The following ASTN2 variants were observed in gnomAD, a reference collection of about 807,000 sequenced individuals.
The protein encoded by ASTN2 is astrotactin 2, also known as astrotactin-2.
ASTN2 carries 54 observed loss-of-function variants against 139.8 expected under a neutral mutation model. That is an observed-to-expected ratio of 0.39 (90% CI 0.31 to 0.48). The LOEUF (loss-of-function observed/expected upper bound fraction) is 0.48. Ranked by LOEUF, ASTN2 falls within the 20% of genes least tolerant of loss-of-function variation. ASTN2 has a pLI of 0.95. For missense variants in ASTN2, 1,565 were observed against 1,725.1 expected, an observed-to-expected ratio of 0.91 and a Z score of 1.64; for synonymous variants, 756 against 719.5, an observed-to-expected ratio of 1.05 and a Z score of -0.81.
At chr9:117,056,463 G>A (rs545678272) in intron 5 of ASTN2, among the ~76,000 whole-genome samples, 1 of 152,186 alleles carries the variant, frequency 6.6e-6, no homozygotes, top group South Asian at 2.1e-4. Context: ...GCCAGGCACA[G>A]CTCTGCCTTG....
At chr9:116,825,887 A>G (rs10759865) in intron 11 of ASTN2, among the ~76,000 whole-genome samples, 120,795 of 152,180 alleles carry the variant, frequency 0.79, 48,140 homozygotes, top group East Asian at 0.91. Flanking sequence ...TGAGAGCCAA[A>G]ATACTGGGGA....
rs562430061 is a variant in ASTN2, at chr9:116,988,380, T to A, written c.1592-11595A>T. On this transcript the variant is annotated intron_variant, in intron 7 of 22. Coordinates refer to ENST00000313400, the MANE Select transcript of ASTN2 (RefSeq NM_001365068.1). The stretch of plus-strand genomic sequence containing the variant: ...CACCTGCTATTGCTATGACTACTAT[T>A]AGGGAGCTGGTGGCTTTCCTGACCA... Among the ~76,000 whole-genome samples the A allele has an allele frequency of 3.9e-5, 6 of 152,292 alleles. 1 individual carries two copies. The South Asian group carries it at 1.2e-3, about 32-fold the overall frequency.
At chr9:117,329,623 C>T (rs1306859469) in intron 1 of ASTN2, among the ~76,000 whole-genome samples, 1 of 152,082 alleles carries the variant, frequency 6.6e-6, no homozygotes, top group Non-Finnish European at 1.5e-5. Context: ...GGGGGGTGGA[C>T]ATGCAGTGGA....
chr9:116,584,844 GTTCAAGGGCA>G (rs942285642), intron 19 of ASTN2: 10 of 152,322 alleles, frequency 6.6e-5, no homozygotes, highest in Non-Finnish European at 1.3e-4. Context: ...ACCAGTGCAT[GTTCAAGGGCA>G]TACAAAAATG....
chr9:116,904,379 G>A (rs973057324), intron 10 of ASTN2, among the ~76,000 whole-genome samples: 3 of 152,130 alleles, frequency 2.0e-5, no homozygotes, highest in Non-Finnish European at 2.9e-5. Flanking sequence ...AGGTGGGACC[G>A]CAGAATGACA....
chr9:116,764,388 G>T (rs1324499653), intron 13 of ASTN2, among the ~76,000 whole-genome samples: 1 of 152,108 alleles, frequency 6.6e-6, no homozygotes, highest in African/African-American at 2.4e-5. Context: ...GCTCCCTATG[G>T]GGTTGGCTGA....
intron 11 of ASTN2, among the ~76,000 whole-genome samples, chr9:116,862,867 G>A (rs1012611584): frequency 3.3e-5 from 5 of 150,292 alleles, no homozygotes; most frequent in African/African-American, 9.8e-5. Flanking sequence ...TCAGGCTCCC[G>A]GGACCTAATC....
intron 16 of ASTN2, among the ~76,000 whole-genome samples, chr9:116,654,846 G>C (rs2131938306): frequency 6.6e-6 from 1 of 152,204 alleles, no homozygotes; most frequent in African/African-American, 2.4e-5. Flanking sequence ...AAATTCCCTT[G>C]ATCAAACAAA....
chr9:117,359,747 G>A (rs935212919), intron 1 of ASTN2, among the ~76,000 whole-genome samples: 1 of 152,106 alleles, frequency 6.6e-6, no homozygotes, highest in Non-Finnish European at 1.5e-5. Context: ...TCAGAGACAG[G>A]GGGAAGGAGT....
chr9:116,627,898 T>A (rs1018191137), intron 17 of ASTN2, among the ~76,000 whole-genome samples: 7 of 152,204 alleles, frequency 4.6e-5, no homozygotes, highest in Non-Finnish European at 1.0e-4. Flanking sequence ...ACTCATTAAA[T>A]TTTCCCAACA....
chr9:116,822,294 G>A lies in ASTN2; in HGVS notation c.2041-1511C>T, dbSNP rs187284326. On this transcript the variant is annotated intron_variant, in intron 11 of 22. Transcript: ENST00000313400. ...GTTCTTCAAGACATTTGAGACTGGC[G>A]CCAGGAAGAGTGACGGAGAAAGTAG... is the stretch of plus-strand genomic sequence containing the variant. Among the ~76,000 whole-genome samples, 693 of 152,226 alleles carry A rather than the reference G, an allele frequency of 4.6e-3. 15 individuals carry two copies. The highest frequency in any genetic ancestry group is 0.041 in the Admixed American group (625 of 15,290).
At chr9:116,658,709 A>T (rs1222188780) in intron 16 of ASTN2, among the ~76,000 whole-genome samples, 1 of 142,168 alleles carries the variant, frequency 7.0e-6, no homozygotes, top group Non-Finnish European at 1.5e-5. Context: ...AGCAAGTATG[A>T]CCTTCCTAAT....
intron 2 of ASTN2, among the ~76,000 whole-genome samples, chr9:117,282,056 TTC>T (rs1219072744): frequency 2.0e-5 from 3 of 152,182 alleles, no homozygotes; most frequent in Non-Finnish European, 2.9e-5. Flanking sequence ...ATGCTTTTTA[TTC>T]TCTGTTTCAT....
At chr9:116,672,440 C>T (rs188824337) in intron 16 of ASTN2, among the ~76,000 whole-genome samples, 31 of 152,106 alleles carry the variant, frequency 2.0e-4, no homozygotes, top group Admixed American at 1.5e-3. Context: ...GAGTTTTAAA[C>T]CCTTACATTT....
chr9:117,060,589 A>AGGC (rs1839259386), intron 5 of ASTN2, among the ~76,000 whole-genome samples: 2 of 110,678 alleles, frequency 1.8e-5, no homozygotes, highest in Admixed American at 9.2e-5. Context: ...AGAAGGCAGG[A>AGGC]AGGAAGGAAG....
At chr9:116,613,639 A>C (rs1342149450) in intron 19 of ASTN2, 1 of 152,288 alleles carries the variant, frequency 6.6e-6, no homozygotes, top group Non-Finnish European at 1.5e-5. Flanking sequence ...TGATTATCTC[A>C]ATAGCTGCAG....
chr9:116,935,457 C>G (rs755772928), intron 10 of ASTN2, among the ~76,000 whole-genome samples: 1 of 152,092 alleles, frequency 6.6e-6, no homozygotes, highest in Non-Finnish European at 1.5e-5. Flanking sequence ...ATAGAAGACA[C>G]TCAGTAAATG....
At chr9:116,739,550 A>G (rs1278526983) in intron 13 of ASTN2, among the ~76,000 whole-genome samples, 2 of 152,138 alleles carry the variant, frequency 1.3e-5, no homozygotes, top group African/African-American at 4.8e-5. Flanking sequence ...ACCATCCACT[A>G]TTCCTCTGCC....
rs576660423 is a variant in ASTN2, at chr9:116,532,123, T to C, written c.3356-44623A>G. ...GCATTTCTCTGATGGCCAGTGATGA[T>C]GAGCATTTTTGCATGTGTCTTTTGG... On this transcript the variant is annotated intron_variant, in intron 19 of 22. Coordinates refer to ENST00000313400, the MANE Select transcript of ASTN2 (RefSeq NM_001365068.1). Among the ~76,000 whole-genome samples the C allele has an allele frequency of 1.3e-3, 203 of 152,388 alleles. 2 individuals carry two copies. Among genetic ancestry groups the C allele is most frequent in the Non-Finnish European group, 2.6e-3 (174 of 68,042 alleles).
Sources: gnomAD v4.1 joint callset for allele counts (sites outside exome capture counted in the v4.1 genomes callset) on GRCh38, gnomAD v4.1.1 for gene constraint, MANE v1.5 for transcripts, NCBI Gene and HGNC (gene_info 2026-07-23, HGNC 2026-07-21) for gene names.